PLEKHG7: variants seen among roughly 807,000 people sequenced by gnomAD.
PLEKHG7 encodes the protein pleckstrin homology and RhoGEF domain containing G7.
Under a neutral mutation model 85.2 loss-of-function variants are expected in PLEKHG7, and 77 were observed. The observed-to-expected ratio is 0.90, with a 90% CI of 0.75 to 1.09. The LOEUF is 1.09. Among genes scored for constraint, PLEKHG7 ranks in the 50% least tolerant of loss-of-function variants. The pLI is 0.00. For synonymous variants in PLEKHG7, 301 were observed against 302.4 expected, an observed-to-expected ratio of 1.00 and a Z score of 0.05; for missense variants, 777 against 804.3, an observed-to-expected ratio of 0.97 and a Z score of 0.41.
At chr12:92,763,441 A>T (rs1873093800) in intron 14 of PLEKHG7, among the ~76,000 whole-genome samples, 1 of 152,158 alleles carries the variant, frequency 6.6e-6, no homozygotes, top group Admixed American at 6.5e-5. Flanking sequence ...AGAACTTCCC[A>T]TTGACGTGAG....
intron 3 of PLEKHG7, chr12:92,708,663 G>A (rs1457302919): frequency 6.6e-6 from 1 of 152,074 alleles, no homozygotes; most frequent in South Asian, 2.1e-4. Context: ...TGGGATCAAA[G>A]GGCTCCCATG....
chr12:92,760,508 C>T (rs1329408984), intron 13 of PLEKHG7, among the ~76,000 whole-genome samples: 1 of 151,942 alleles, frequency 6.6e-6, no homozygotes, highest in East Asian at 1.9e-4. Flanking sequence ...TAAGAAAGAA[C>T]TTCTAGAACA....
chr12:92,765,606 GCAA>G (rs1196540492), intron 15 of PLEKHG7, among the ~76,000 whole-genome samples: 2 of 149,912 alleles, frequency 1.3e-5, no homozygotes, highest in East Asian at 3.9e-4. Context: ...TTCAGCCTGG[GCAA>G]CAAGAGTGAA....
At chr12:92,729,603 G>A (rs1871925420) in intron 4 of PLEKHG7, among the ~76,000 whole-genome samples, 1 of 151,996 alleles carries the variant, frequency 6.6e-6, no homozygotes, top group African/African-American at 2.4e-5. Flanking sequence ...TAGGGATAAA[G>A]CGTCTGCATC....
chr12:92,713,091 T>C (rs1441333129), intron 3 of PLEKHG7, among the ~76,000 whole-genome samples: 1 of 152,154 alleles, frequency 6.6e-6, no homozygotes, highest in East Asian at 1.9e-4. Context: ...ATCGCACCAC[T>C]GCACTCCAGC....
In PLEKHG7 at chr12:92,726,899, C is replaced by T. The variant is rs552698187; in HGVS notation, c.531-2094C>T. Among the ~76,000 whole-genome samples the T allele has an allele frequency of 5.9e-5, 9 of 152,282 alleles. No homozygotes were observed. In the South Asian group the frequency reaches 1.0e-3, roughly 18 times the overall value. On this transcript the variant is annotated intron_variant, in intron 3 of 16. Transcript: ENST00000344636. ...CTTTAAACAACCAGCTTCAGATCAT[C>T]GGGGAACCATGATCACCCCCATGGA...
chr12:92,706,394 G>A (rs1196371897), intron 1 of PLEKHG7, 77 bp from the exon 2 acceptor site: 1 of 466,664 alleles, frequency 2.1e-6, no homozygotes, highest in Non-Finnish European at 3.7e-6. Flanking sequence ...GTTTTCCTTT[G>A]AAATTTTAGA....
At chr12:92,758,145 T>C (rs1872887211) in intron 13 of PLEKHG7, among the ~76,000 whole-genome samples, 1 of 152,258 alleles carries the variant, frequency 6.6e-6, no homozygotes, top group Non-Finnish European at 1.5e-5. Flanking sequence ...ATTATCTGTG[T>C]TCCAGCATGT....
intron 3 of PLEKHG7, among the ~76,000 whole-genome samples, chr12:92,714,337 A>T (rs10777439): frequency 6.6e-6 from 1 of 151,928 alleles, no homozygotes; most frequent in Admixed American, 6.6e-5. Flanking sequence ...AGCAAAAAGC[A>T]TTGTCAGAAT....
At chr12:92,769,223 T>TA in intron 16 of PLEKHG7, 143 bp downstream of exon 16, 1 of 608,540 alleles carries the variant, frequency 1.6e-6, no homozygotes, top group South Asian at 2.1e-5. Flanking sequence ...AGGGGAGGGG[T>TA]ACATCTAGTC....
At chr12:92,739,121 G>A (rs1383759936) in intron 7 of PLEKHG7, among the ~76,000 whole-genome samples, 1 of 152,162 alleles carries the variant, frequency 6.6e-6, no homozygotes, top group Non-Finnish European at 1.5e-5. Context: ...ACATCCTATG[G>A]CTGGCTTCTC....
At chr12:92,764,726 A>G (rs899838943) in intron 15 of PLEKHG7, among the ~76,000 whole-genome samples, 7 of 152,160 alleles carry the variant, frequency 4.6e-5, no homozygotes. Flanking sequence ...ATCATTTTTA[A>G]TCTTTTATTC....
At chr12:92,758,757 T>A (rs1440073648) in intron 13 of PLEKHG7, among the ~76,000 whole-genome samples, 1 of 152,228 alleles carries the variant, frequency 6.6e-6, no homozygotes, top group Non-Finnish European at 1.5e-5. Context: ...GGAGACTCCA[T>A]ATGATGTAGT....
chr12:92,726,203 A>G (rs1478641461), intron 3 of PLEKHG7, among the ~76,000 whole-genome samples: 1 of 152,162 alleles, frequency 6.6e-6, no homozygotes, highest in African/African-American at 2.4e-5. Flanking sequence ...AGAGCCTGGT[A>G]GGACTTGAGC....
intron 15 of PLEKHG7, among the ~76,000 whole-genome samples, chr12:92,767,626 T>C (rs942073292): frequency 6.6e-6 from 1 of 152,202 alleles, no homozygotes; most frequent in Non-Finnish European, 1.5e-5. Flanking sequence ...GGAATTATGA[T>C]GTTTAGATTG....
chr12:92,707,731 T>C, intron 3 of PLEKHG7, 59 bp downstream of exon 3: 1 of 1,611,210 alleles, frequency 6.2e-7, no homozygotes, highest in Non-Finnish European at 8.5e-7. Flanking sequence ...TACTATTAGA[T>C]TTTTATTTCT....
intron 10 of PLEKHG7, among the ~76,000 whole-genome samples, chr12:92,746,315 C>A (rs1489854316): frequency 6.6e-6 from 1 of 152,348 alleles, no homozygotes; most frequent in Non-Finnish European, 1.5e-5. Flanking sequence ...GAAGCCCCTG[C>A]CAGAGCATGA....
At chr12:92,726,472 G>A (rs1390761867) in intron 3 of PLEKHG7, among the ~76,000 whole-genome samples, 2 of 152,168 alleles carry the variant, frequency 1.3e-5, no homozygotes, top group Non-Finnish European at 2.9e-5. Flanking sequence ...AAAATATAGA[G>A]ATTACATTGG....
At chr12:92,722,478 C>A (rs542278941) in intron 3 of PLEKHG7, among the ~76,000 whole-genome samples, 1 of 152,156 alleles carries the variant, frequency 6.6e-6, no homozygotes, top group Non-Finnish European at 1.5e-5. Context: ...GGCATATTCA[C>A]CTTTCCAGAA....
Sources: allele counts gnomAD v4.1 joint callset (sites outside exome capture counted in the v4.1 genomes callset), GRCh38; gene constraint gnomAD v4.1.1; transcripts MANE v1.5; gene names NCBI Gene and HGNC (gene_info 2026-07-23, HGNC 2026-07-21).